The following GALNT13 variants were observed in gnomAD, a reference collection of about 807,000 sequenced individuals.
The protein encoded by GALNT13 is UDP-GalNAc:polypeptide N-acetylgalactosaminyltransferase 13.
A neutral mutation model predicts 64.2 loss-of-function variants in GALNT13; 28 were observed. That is an observed-to-expected ratio of 0.44 (90% CI 0.32 to 0.60). GALNT13 has a LOEUF of 0.60. GALNT13 is among the 20% of genes least tolerant of loss of function. The pLI, the probability that GALNT13 is intolerant of heterozygous loss-of-function variation, is 0.05. For missense variants in GALNT13, 577 were observed against 669.8 expected, an observed-to-expected ratio of 0.86 and a Z score of 1.53; for synonymous variants, 214 against 224.6, an observed-to-expected ratio of 0.95 and a Z score of 0.42.
intron 8 of GALNT13, among the ~76,000 whole-genome samples, chr2:154,273,322 T>C (rs541984080): frequency 6.6e-6 from 1 of 152,014 alleles, no homozygotes; most frequent in Non-Finnish European, 1.5e-5. Context: ...GGGGGGAACA[T>C]TCAGCATAGA....
At chr2:153,407,972 G>A in the GALNT13 span, among the ~76,000 whole-genome samples, 9 of 152,278 alleles carry the variant, frequency 5.9e-5, no homozygotes, top group African/African-American at 1.2e-4. Context: ...ATCGAAATGC[G>A]TGATTTACAG....
chr2:153,556,487 G>T, the GALNT13 span, among the ~76,000 whole-genome samples: 1 of 152,102 alleles, frequency 6.6e-6, no homozygotes, highest in Admixed American at 6.5e-5. Context: ...TTTAGAAAAA[G>T]ATTTCCTTAC....
chr2:154,261,777 G>C (rs1286515980), intron 8 of GALNT13, among the ~76,000 whole-genome samples: 1 of 151,942 alleles, frequency 6.6e-6, no homozygotes, highest in East Asian at 1.9e-4. Flanking sequence ...TATGTGTGAG[G>C]TTTTTTGTCT....
At chr2:154,325,084 G>A (rs1357570434) in intron 9 of GALNT13, among the ~76,000 whole-genome samples, 2 of 151,844 alleles carry the variant, frequency 1.3e-5, no homozygotes, top group South Asian at 2.1e-4. Context: ...TCATCTCCAT[G>A]AGGCCAAACC....
the GALNT13 span, among the ~76,000 whole-genome samples, chr2:153,111,422 GT>G: frequency 6.6e-6 from 1 of 151,974 alleles, no homozygotes; most frequent in Non-Finnish European, 1.5e-5. Flanking sequence ...TTGTAAGCCA[GT>G]TTTTTTCACT....
At chr2:154,182,145 AC>A (rs550627611) in intron 4 of GALNT13, among the ~76,000 whole-genome samples, 38 of 152,276 alleles carry the variant, frequency 2.5e-4, no homozygotes, top group Non-Finnish European at 4.1e-4. Flanking sequence ...ACAGAAACAA[AC>A]GCTTATAGAG....
At chr2:153,160,069 A>G in the GALNT13 span, among the ~76,000 whole-genome samples, 1 of 152,238 alleles carries the variant, frequency 6.6e-6, no homozygotes, top group South Asian at 2.1e-4. Flanking sequence ...CAATTGGGAA[A>G]AAAAGGAAGC....
At chr2:154,435,912 G>T (rs1280002443) in intron 11 of GALNT13, 1 of 151,956 alleles carries the variant, frequency 6.6e-6, no homozygotes, top group East Asian at 1.9e-4. Context: ...AAAGCTAATG[G>T]ATATAAATGA....
chr2:154,026,981 A>G (rs911684777), intron 3 of GALNT13, among the ~76,000 whole-genome samples: 1 of 152,190 alleles, frequency 6.6e-6, no homozygotes, highest in African/African-American at 2.4e-5. Flanking sequence ...GAAGATAGCA[A>G]AAAAGACTGA....
the GALNT13 span, among the ~76,000 whole-genome samples, chr2:153,344,185 A>G: frequency 8.5e-5 from 13 of 152,196 alleles, no homozygotes; most frequent in African/African-American, 2.9e-4. Flanking sequence ...TTATAGATAC[A>G]TTACTACCCT....
the GALNT13 span, among the ~76,000 whole-genome samples, chr2:153,222,308 G>T: frequency 9.0e-6 from 1 of 110,860 alleles, no homozygotes; most frequent in Non-Finnish European, 2.0e-5. Flanking sequence ...GAGTCTGGCT[G>T]GGGGGGGGGG....
At chr2:153,082,765 ATATAT>A in the GALNT13 span, among the ~76,000 whole-genome samples, 2 of 146,016 alleles carry the variant, frequency 1.4e-5, no homozygotes, top group African/African-American at 5.0e-5. Flanking sequence ...TAAATAAAAT[ATATAT>A]TATTTATTGA....
At chr2:153,928,628 A>T (rs2105351581) in intron 2 of GALNT13, among the ~76,000 whole-genome samples, 1 of 152,272 alleles carries the variant, frequency 6.6e-6, no homozygotes, top group Admixed American at 6.5e-5. Flanking sequence ...ACTATGATAA[A>T]TTTTTAGGTT....
At chr2:153,776,152 T>C in the GALNT13 span, among the ~76,000 whole-genome samples, 241 of 152,322 alleles carry the variant, frequency 1.6e-3, 2 homozygotes, top group Middle Eastern at 0.014. Context: ...GAAATATTGT[T>C]GTAGAAATAA....
chr2:153,145,147 T>G, the GALNT13 span, among the ~76,000 whole-genome samples: 1 of 151,862 alleles, frequency 6.6e-6, no homozygotes, highest in African/African-American at 2.4e-5. Context: ...ATGAAAAAAT[T>G]TGTCATCTAT....
chr2:153,650,323 C>G, the GALNT13 span, among the ~76,000 whole-genome samples: 1 of 152,056 alleles, frequency 6.6e-6, no homozygotes, highest in Non-Finnish European at 1.5e-5. Context: ...CTTGGTAGAT[C>G]TTCCTCCATC....
rs190051733 is a variant in GALNT13 at position 154,109,075 on chromosome 2, A to G, written c.143-31262A>G. ...AGGCTTAATTGTATTTATGTGAAATATGATATTAGAATTTTGATAGAGATC... is the reference window on the plus strand; with the variant it reads ...AGGCTTAATTGTATTTATGTGAAATGTGATATTAGAATTTTGATAGAGATC... On this transcript the variant is annotated intron_variant, in intron 3 of 12. Transcript: ENST00000392825. Among the ~76,000 whole-genome samples the G allele has an allele frequency of 3.9e-5, 6 of 152,234 alleles. No individual in the cohort carries two copies. The East Asian group carries it at 1.2e-3, about 29-fold the overall frequency.
intron 4 of GALNT13, among the ~76,000 whole-genome samples, chr2:154,188,112 G>A (rs185360617): frequency 5.3e-4 from 81 of 151,776 alleles, no homozygotes; most frequent in Non-Finnish European, 1.1e-3. Context: ...CCCAAATGGT[G>A]GAAATATGAC....
rs144737431 is a variant in GALNT13, at chr2:154,091,421, C to G, written c.143-48916C>G. The stretch of plus-strand genomic sequence containing the variant: ...ATATTGATTATGATGGCTAAAAACT[C>G]AAGACTCAAAATAATTTTTACAAGC... On this transcript the variant is annotated intron_variant, in intron 3 of 12. Coordinates refer to ENST00000392825, the MANE Select transcript of GALNT13 (RefSeq NM_052917.4). Among the ~76,000 whole-genome samples, 31 of 151,774 alleles carry G rather than the reference C, an allele frequency of 2.0e-4. No homozygotes were observed. In the East Asian group the frequency reaches 5.2e-3, roughly 26 times the overall value.
Sources: allele counts gnomAD v4.1 joint callset (sites outside exome capture counted in the v4.1 genomes callset), GRCh38; gene constraint gnomAD v4.1.1; transcripts MANE v1.5; gene names NCBI Gene and HGNC (gene_info 2026-07-23, HGNC 2026-07-21).